The following KLHL28 variants were observed in gnomAD, a reference collection of about 807,000 sequenced individuals.
The protein encoded by KLHL28 is kelch like family member 28.
A neutral mutation model predicts 48.3 loss-of-function variants in KLHL28; 22 were observed. The ratio of observed to expected loss-of-function variants is 0.46; its 90% CI spans 0.33 to 0.65. The LOEUF (loss-of-function observed/expected upper bound fraction) is 0.65, where lower values mean the gene tolerates loss of function less well. KLHL28 is among the 30% of genes least tolerant of loss of function. The pLI is 0.03. For missense variants in KLHL28, 527 were observed against 704.3 expected, an observed-to-expected ratio of 0.75 and a Z score of 2.85; for synonymous variants, 243 against 242.4, an observed-to-expected ratio of 1.00 and a Z score of -0.02.
chr14:44,931,230 C>G, intron 4 of KLHL28, 103 bp downstream of exon 4: 1 of 478,572 alleles, frequency 2.1e-6, no homozygotes, highest in Non-Finnish European at 3.4e-6. Context: ...TTTTTCTGGA[C>G]AAGTAATATT....
intron 1 of KLHL28, among the ~76,000 whole-genome samples, chr14:44,947,696 G>A (rs1365768109): frequency 6.6e-6 from 1 of 152,060 alleles, no homozygotes; most frequent in Non-Finnish European, 1.5e-5. Flanking sequence ...TTTTTAAGTG[G>A]AAAAAATCCA....
rs1028800349 is a variant in KLHL28, at chr14:44,941,548, A to G, written c.899+3482T>C. 4.6e-5 allele frequency among the ~76,000 whole-genome samples: 7 copies of G among 151,720 alleles called. No homozygotes were observed. In the East Asian group the frequency reaches 1.4e-3, roughly 30 times the overall value. ...GAGGCTGAGGCAAGAGAATTGCTTG[A>G]ACCTGGGAGGCGGAGATTGCGGTGA... On this transcript the variant is annotated intron_variant, in intron 2 of 4. Coordinates refer to ENST00000396128, the MANE Select transcript of KLHL28 (RefSeq NM_017658.5).
At chr14:44,951,923 T>G (rs1042957190) in intron 1 of KLHL28, among the ~76,000 whole-genome samples, 2 of 152,130 alleles carry the variant, frequency 1.3e-5, no homozygotes, top group African/African-American at 4.8e-5. Context: ...GGCGAGATCT[T>G]AGCTTACTCA....
At chr14:44,930,301 T>G (rs1318118343) in intron 4 of KLHL28, among the ~76,000 whole-genome samples, 2 of 152,172 alleles carry the variant, frequency 1.3e-5, no homozygotes, top group Admixed American at 6.5e-5. Context: ...TTGAAACTTT[T>G]TTTTTTGAGA....
At position 44,924,743 on chromosome 14, in the gene KLHL28, G is replaced by C. The variant is rs1298386399; in HGVS notation, c.*4285C>G. On this transcript the variant is annotated 3_prime_UTR_variant, in exon 5 of 5. Transcript: ENST00000396128. ...TCACTTGTATTTTAAGGCAAACTTG[G>C]AACTTTTTGCTTAGTATTTAAAAAT... The C allele has an allele frequency of 7.9e-5, 12 of 152,666 alleles. No individual in the cohort carries two copies. The East Asian group carries it at 2.3e-3, about 29-fold the overall frequency. The allele number at this position is 152,666 out of a possible 1,614,324, so 9.5% of individuals were successfully genotyped here.
chr14:44,959,916 G>A (rs910165011), intron 1 of KLHL28, among the ~76,000 whole-genome samples: 6 of 151,764 alleles, frequency 4.0e-5, no homozygotes, highest in African/African-American at 1.5e-4. Flanking sequence ...GATTTCCAAA[G>A]ATTAAAAAAA....
chr14:44,946,323 T>G (rs985124618), intron 1 of KLHL28, among the ~76,000 whole-genome samples: 1 of 152,206 alleles, frequency 6.6e-6, no homozygotes, highest in Non-Finnish European at 1.5e-5. Flanking sequence ...TAAAATTATA[T>G]GTAGAACAAA....
At chr14:44,944,817 G>T (rs901119954) in intron 2 of KLHL28, among the ~76,000 whole-genome samples, 2 of 151,994 alleles carry the variant, frequency 1.3e-5, no homozygotes. Flanking sequence ...TGTGCACTTG[G>T]GGAGATGGTT....
At chr14:44,931,692 A>G (rs774997297) in intron 3 of KLHL28, 151 bp from the exon 4 acceptor site, 68 of 632,556 alleles carry the variant, frequency 1.1e-4, no homozygotes, top group Non-Finnish European at 1.6e-4. Flanking sequence ...GGTTTTGCTG[A>G]TAAGATTGCA....
At chr14:44,955,568 G>C (rs1420131101) in intron 1 of KLHL28, among the ~76,000 whole-genome samples, 5 of 152,130 alleles carry the variant, frequency 3.3e-5, no homozygotes, top group Admixed American at 6.5e-5. Flanking sequence ...TTGAGCCCAG[G>C]AGTTTGAGAC....
chr14:44,945,667 C>T lies in KLHL28; in HGVS notation c.262G>A (p.Ala88Thr). ...CCTGTATAGGCATACTCCACAATGG[C>T]CTGGAGAGCAGTTTCATCAATGCAT... ...FQCIDETALQAIVEYAYTGTV... is the reference protein window; with the variant it reads ...FQCIDETALQTIVEYAYTGTV... Residue 88 changes from alanine (A) to threonine (T), a missense_variant, in exon 2 of 5, where the codon GCC (alanine) becomes ACC (threonine). By Grantham distance (58) the Ala-to-Thr change is moderately conservative. Transcript: ENST00000396128. The T allele has an allele frequency of 6.2e-7, 1 of 1,614,162 alleles. No individual in the cohort carries two copies. The highest frequency in any genetic ancestry group is 8.5e-7 in the Non-Finnish European group (1 of 1,180,028).
chr14:44,935,332 G>A (rs565449282), intron 2 of KLHL28, among the ~76,000 whole-genome samples: 4 of 152,288 alleles, frequency 2.6e-5, no homozygotes, highest in African/African-American at 9.6e-5. Flanking sequence ...GCTTTTGAGT[G>A]TTGGTCATAC....
At chr14:44,932,575 C>T (rs1049641050) in intron 3 of KLHL28, among the ~76,000 whole-genome samples, 12 of 152,246 alleles carry the variant, frequency 7.9e-5, no homozygotes, top group East Asian at 3.9e-4. Flanking sequence ...TGGCCCTAAC[C>T]TATTTCCTGA....
chr14:44,952,402 G>T (rs1308187333), intron 1 of KLHL28, among the ~76,000 whole-genome samples: 1 of 152,142 alleles, frequency 6.6e-6, no homozygotes, highest in Non-Finnish European at 1.5e-5. Context: ...GCAGGAAATG[G>T]GCAAACTGTG....
Position 44,929,188 on chromosome 14 carries a change from A to G in KLHL28, c.1556T>C (p.Val519Ala). ...GTAGTTATCGATTACAGCAGCACCA[A>G]CTCCTAGGAAAGGTTGGCAAAAAGA... Reference protein sequence around the residue: ...CRPMKEPRTGVGAAVIDNYLY... With the variant: ...CRPMKEPRTGAGAAVIDNYLY... The change falls in exon 5 of 5, where the codon GTT (valine) becomes GCT (alanine). Residue 519 changes from valine to alanine, a missense_variant. Coordinates refer to ENST00000396128, the MANE Select transcript of KLHL28 (RefSeq NM_017658.5). 6.3e-7 allele frequency: 1 copy of G among 1,596,614 alleles called. No individual in the cohort carries two copies. Among genetic ancestry groups the G allele is most frequent in the Admixed American group, 1.7e-5 (1 of 57,618 alleles).
chr14:44,931,626 T>A, intron 3 of KLHL28, 85 bp from the exon 4 acceptor site: 2 of 956,020 alleles, frequency 2.1e-6, no homozygotes, highest in Non-Finnish European at 3.1e-6. Flanking sequence ...ACTACAGCTT[T>A]AAAAGTTCAC....
rs751323405 is a variant in KLHL28, at chr14:44,928,950, G to A, written c.*78C>T. ...AAAAAGAAAGCAATGCAGCTTGTGGGTTTCAGAAAACTGGGCCATCCGGAT... is the reference window on the plus strand; with the variant it reads ...AAAAAGAAAGCAATGCAGCTTGTGGATTTCAGAAAACTGGGCCATCCGGAT... On this transcript the variant is annotated 3_prime_UTR_variant, in exon 5 of 5. Transcript: ENST00000396128. The A allele has an allele frequency of 5.2e-6, 7 of 1,342,070 alleles. No individual in the cohort carries two copies. The highest frequency in any genetic ancestry group is 7.3e-6 in the Non-Finnish European group (7 of 965,018). The allele number at this position is 1,342,070 out of a possible 1,614,324, so 83.1% of individuals were successfully genotyped here.
intron 1 of KLHL28, among the ~76,000 whole-genome samples, chr14:44,955,036 G>A (rs1326247690): frequency 6.6e-6 from 1 of 152,028 alleles, no homozygotes; most frequent in Admixed American, 6.6e-5. Context: ...TGTGTGTATT[G>A]TGCTATAAAG....
At chr14:44,952,408 C>G (rs1594583199) in intron 1 of KLHL28, among the ~76,000 whole-genome samples, 1 of 152,168 alleles carries the variant, frequency 6.6e-6, no homozygotes, top group South Asian at 2.1e-4. Flanking sequence ...AATGGGCAAA[C>G]TGTGTTTTAA....
Sources: allele counts gnomAD v4.1 joint callset (sites outside exome capture counted in the v4.1 genomes callset), GRCh38; gene constraint gnomAD v4.1.1; transcripts MANE v1.5; gene names NCBI Gene and HGNC (gene_info 2026-07-23, HGNC 2026-07-21).